MSANTD4: variants seen among roughly 807,000 people sequenced by gnomAD.
MSANTD4 encodes Myb/SANT DNA binding domain containing 4 with coiled-coils.
Under a neutral mutation model 34.3 loss-of-function variants are expected in MSANTD4, and 13 were observed. That is an observed-to-expected ratio of 0.38 (90% CI 0.25 to 0.60). The LOEUF is 0.60. MSANTD4 is among the 20% of genes least tolerant of loss of function. MSANTD4 has a pLI of 0.63. For synonymous variants in MSANTD4, 137 were observed against 145.2 expected (o/e 0.94, Z 0.41); for missense variants, 358 against 401.8 (o/e 0.89, Z 0.93).
intron 1 of MSANTD4, among the ~76,000 whole-genome samples, chr11:106,020,083 T>C (rs572615234): frequency 9.2e-5 from 14 of 152,326 alleles, no homozygotes; most frequent in African/African-American, 3.4e-4. Context: ...TAACAAATAT[T>C]TCTTCACTGG....
rs1259273366 is a variant in MSANTD4 at position 106,008,554 on chromosome 11, G to A, written c.*981C>T. On this transcript the variant is annotated 3_prime_UTR_variant, in exon 3 of 3. Transcript: ENST00000301919. Reference sequence around the variant, plus strand: ...ACCTACCCCCTACTCCCAAATGGCTGCTATTACTTATTTTAAAAGTCAAAC... The same window carrying A: ...ACCTACCCCCTACTCCCAAATGGCTACTATTACTTATTTTAAAAGTCAAAC... The A allele has an allele frequency of 6.6e-6, 1 of 151,638 alleles. No homozygotes were observed. The highest frequency in any genetic ancestry group is 1.5e-5 in the Non-Finnish European group (1 of 68,036). 9.4% of individuals were successfully genotyped at this position (151,638 alleles called of 1,614,324 possible). A position where few individuals can be genotyped will look rare whatever the true frequency, so the allele number is the denominator to read the frequency against.
Position 106,010,069 on chromosome 11 carries a change from T to A in MSANTD4, c.504A>T (p.Ile168=), listed in dbSNP as rs1265610293. 1.3e-6 allele frequency: 2 copies of A among 1,588,758 alleles called. No homozygotes were observed. The highest frequency in any genetic ancestry group is 2.7e-5 in the African/African-American group (2 of 74,064). Residue 168 remains isoleucine (I), a synonymous_variant, in exon 3 of 3, where the codon ATA becomes ATT. Coordinates refer to ENST00000301919, the MANE Select transcript of MSANTD4 (RefSeq NM_032424.3). ...EEEEEMLSSV[I]PDSRRENELP... is the part of the protein sequence containing the mutation. ...GTTCATTTTCTCTCCTGGAATCTGG[T>A]ATGACGGATGACAACATTTCTTCCT...
chr11:106,012,756 G>A (rs907799392), intron 1 of MSANTD4, among the ~76,000 whole-genome samples: 1 of 152,242 alleles, frequency 6.6e-6, no homozygotes, highest in African/African-American at 2.4e-5. Flanking sequence ...ACAGTAAAAC[G>A]TCTGTGCTAG....
Position 106,009,109 on chromosome 11 carries a change from G to C in MSANTD4, c.*426C>G, listed in dbSNP as rs981642227. 2 of 157,334 alleles carry C rather than the reference G, an allele frequency of 1.3e-5. No individual in the cohort carries two copies. The highest frequency in any genetic ancestry group is 3.8e-4 in the East Asian group (2 of 5,294). 9.7% of individuals were successfully genotyped at this position (157,334 alleles called of 1,614,324 possible). ...TTGGAAAATTCTTTACTGAGTGTGG[G>C]GGGGTGTTGAGGAGGTATGCATTGC... On this transcript the variant is annotated 3_prime_UTR_variant, in exon 3 of 3. Transcript: ENST00000301919.
intron 1 of MSANTD4, among the ~76,000 whole-genome samples, chr11:106,017,893 G>A (rs1027250703): frequency 6.6e-6 from 1 of 152,110 alleles, no homozygotes; most frequent in Non-Finnish European, 1.5e-5. Context: ...GATGTTGCTA[G>A]AGCTGTGTCT....
intron 1 of MSANTD4, among the ~76,000 whole-genome samples, chr11:106,017,867 T>G (rs1859899460): frequency 6.6e-6 from 1 of 152,116 alleles, no homozygotes; most frequent in African/African-American, 2.4e-5. Flanking sequence ...ATTATACAAT[T>G]GAAAAACATT....
chr11:106,018,307 TTA>T (rs1222370415), intron 1 of MSANTD4, among the ~76,000 whole-genome samples: 1 of 152,220 alleles, frequency 6.6e-6, no homozygotes, highest in African/African-American at 2.4e-5. Context: ...TCATTTTGTA[TTA>T]GTCACATTTC....
chr11:106,013,895 G>T (rs1442305448), intron 1 of MSANTD4, among the ~76,000 whole-genome samples: 2 of 152,146 alleles, frequency 1.3e-5, no homozygotes, highest in Admixed American at 6.5e-5. Context: ...TGTTGCTAAG[G>T]TAAGTTTTGA....
chr11:106,013,103 G>C (rs566006308), intron 1 of MSANTD4, among the ~76,000 whole-genome samples: 19 of 152,210 alleles, frequency 1.2e-4, no homozygotes, highest in African/African-American at 4.3e-4. Context: ...ATTCAACTGA[G>C]GGATAGATGT....
rs763607784 is a variant in MSANTD4, at chr11:106,009,710, A to G, written c.863T>C (p.Leu288Pro). The change falls in exon 3 of 3, where the codon CTT becomes CCT. Residue 288 changes from leucine to proline, a missense_variant. Leu to Pro is a moderately conservative substitution (Grantham distance 98). This residue lies in a region of MSANTD4 where 312 missense variants were observed against 317.6 expected (regional missense o/e 0.98). Transcript: ENST00000301919. Reference protein sequence around the residue: ...NELGQGEKSMLQPQDIETEKL... With the variant: ...NELGQGEKSMPQPQDIETEKL... Reference sequence around the variant, plus strand: ...CTCTGTTTCTATGTCCTGTGGTTGAAGCATGGATTTTTCTCCTTGACCAAG... The same window carrying G: ...CTCTGTTTCTATGTCCTGTGGTTGAGGCATGGATTTTTCTCCTTGACCAAG... 3 of 1,614,170 alleles carry G rather than the reference A, an allele frequency of 1.9e-6. No homozygotes were observed. Among genetic ancestry groups the G allele is most frequent in the South Asian group, 1.1e-5 (1 of 91,082 alleles).
At position 106,022,029 on chromosome 11, in the gene MSANTD4, T is replaced by A. The variant is rs1020405736; in HGVS notation, c.-1218A>T. ...AGGCGACAGACGCGCGTGGCACTTCTCCCGAGCGTGCAGTCCCGCTACGTC... is the reference window on the plus strand; with the variant it reads ...AGGCGACAGACGCGCGTGGCACTTCACCCGAGCGTGCAGTCCCGCTACGTC... On this transcript the variant is annotated 5_prime_UTR_variant, in exon 1 of 3. Transcript: ENST00000301919. 1 of 152,368 alleles carries A rather than the reference T, an allele frequency of 6.6e-6. No homozygotes were observed. Among genetic ancestry groups the A allele is most frequent in the African/African-American group, 2.4e-5 (1 of 41,432 alleles). The allele number at this position is 152,368 out of a possible 1,614,324, so 9.4% of individuals were successfully genotyped here.
At chr11:106,019,608 T>C (rs1859968725) in intron 1 of MSANTD4, among the ~76,000 whole-genome samples, 1 of 152,200 alleles carries the variant, frequency 6.6e-6, no homozygotes, top group Admixed American at 6.5e-5. Flanking sequence ...AAATGTCTTC[T>C]GTTCCAGGAT....
chr11:106,009,407 T>C lies in MSANTD4; in HGVS notation c.*128A>G, dbSNP rs1859617453. Reference sequence around the variant, plus strand: ...ACTTAGGCATACAGTTATCCACATATAACTTTTTCCTACTGAACACTGACA... The same window carrying C: ...ACTTAGGCATACAGTTATCCACATACAACTTTTTCCTACTGAACACTGACA... On this transcript the variant is annotated 3_prime_UTR_variant, in exon 3 of 3. Transcript: ENST00000301919. 6 of 859,892 alleles carry C rather than the reference T, an allele frequency of 7.0e-6. No individual in the cohort carries two copies. In the South Asian group the frequency reaches 9.0e-5, roughly 13 times the overall value. 53.3% of individuals were successfully genotyped at this position (859,892 alleles called of 1,614,324 possible).
At chr11:106,010,187 T>C (rs1859652317) in intron 2 of MSANTD4, 77 bp from the exon 3 acceptor site, 2 of 1,378,508 alleles carry the variant, frequency 1.5e-6, no homozygotes, top group East Asian at 4.6e-5. Flanking sequence ...TCTTAAAAGC[T>C]TTCTGCGTCG....
In MSANTD4 at chr11:106,013,789, T is replaced by C. The variant is rs569923470; in HGVS notation, c.-150-2722A>G. ...AGGCATGAGAATCGCTTGAACCCAG[T>C]AGGTGGAGGTTGCAGTGAGCCGAGA... On this transcript the variant is annotated intron_variant, in intron 1 of 2. Coordinates refer to ENST00000301919, the MANE Select transcript of MSANTD4 (RefSeq NM_032424.3). Among the ~76,000 whole-genome samples the C allele has an allele frequency of 2.6e-5, 4 of 152,250 alleles. No individual in the cohort carries two copies. In the East Asian group the frequency reaches 7.7e-4, roughly 29 times the overall value.
chr11:106,010,959 C>T lies in MSANTD4; in HGVS notation c.-42G>A, dbSNP rs777226782. 6.5e-7 allele frequency: 1 copy of T among 1,530,418 alleles called. No homozygotes were observed. The highest frequency in any genetic ancestry group is 8.7e-7 in the Non-Finnish European group (1 of 1,143,132). 94.8% of individuals were successfully genotyped at this position (1,530,418 alleles called of 1,614,324 possible). On this transcript the variant is annotated 5_prime_UTR_variant, in exon 2 of 3. Coordinates refer to ENST00000301919, the MANE Select transcript of MSANTD4 (RefSeq NM_032424.3). ...GTTTTTATGGTAAGAGATGTGAAAA[C>T]AATTTGAGGAATGCTGCAAAGCACA... is the stretch of plus-strand genomic sequence containing the variant.
intron 1 of MSANTD4, among the ~76,000 whole-genome samples, chr11:106,015,164 T>C (rs969477715): frequency 4.6e-5 from 7 of 152,226 alleles, no homozygotes; most frequent in Non-Finnish European, 1.0e-4. Flanking sequence ...AAAGTTTATC[T>C]ATAAATAGAA....
Position 106,009,352 on chromosome 11 carries a change from G to T in MSANTD4, c.*183C>A. 1.7e-6 allele frequency: 1 copy of T among 599,216 alleles called. No individual in the cohort carries two copies. Among genetic ancestry groups the T allele is most frequent in the Non-Finnish European group, 2.9e-6 (1 of 342,760 alleles). The allele number at this position is 599,216 out of a possible 1,614,324, so 37.1% of individuals were successfully genotyped here. On this transcript the variant is annotated 3_prime_UTR_variant, in exon 3 of 3. Coordinates refer to ENST00000301919, the MANE Select transcript of MSANTD4 (RefSeq NM_032424.3). Reference sequence around the variant, plus strand: ...CAGCACAGTAAGTTTCTGCTATACTGTTTACGCTAGGGCACAGCTTTTATA... The same window carrying T: ...CAGCACAGTAAGTTTCTGCTATACTTTTTACGCTAGGGCACAGCTTTTATA...
rs926590248 is a variant in MSANTD4 at position 106,021,106 on chromosome 11, G to A, written c.-295C>T. On this transcript the variant is annotated 5_prime_UTR_variant, in exon 1 of 3. Coordinates refer to ENST00000301919, the MANE Select transcript of MSANTD4 (RefSeq NM_032424.3). ...AAAATACTTACTGAGCTCCTACTGT[G>A]TGAAAGGCACTATTTTTGGTGCTGG... is the stretch of plus-strand genomic sequence containing the variant. The A allele has an allele frequency of 2.0e-5, 3 of 152,174 alleles. No individual in the cohort carries two copies. Among genetic ancestry groups the A allele is most frequent in the African/African-American group, 4.8e-5 (2 of 41,438 alleles). The allele number at this position is 152,174 out of a possible 1,614,324, so 9.4% of individuals were successfully genotyped here. A position where few individuals can be genotyped will look rare whatever the true frequency, so the allele number is the denominator to read the frequency against.
Sources: allele counts gnomAD v4.1 joint callset (sites outside exome capture counted in the v4.1 genomes callset), GRCh38; gene constraint gnomAD v4.1.1; regional missense constraint gnomAD v4.1.1; transcripts MANE v1.5; gene names NCBI Gene and HGNC (gene_info 2026-07-23, HGNC 2026-07-21).